FRYL: variants seen among roughly 807,000 people sequenced by gnomAD.
The protein encoded by FRYL is FRY like transcription coactivator, also known as protein furry homolog-like.
Under a neutral mutation model 351.2 loss-of-function variants are expected in FRYL, and 150 were observed. That is an observed-to-expected ratio of 0.43 (90% CI 0.37 to 0.49). The LOEUF (loss-of-function observed/expected upper bound fraction) is 0.49. Among genes scored for constraint, FRYL ranks in the 20% least tolerant of loss-of-function variants. The pLI, the probability that FRYL is intolerant of heterozygous loss-of-function variation, is 0.00. For synonymous variants in FRYL, 1,153 were observed against 1,257.1 expected (o/e 0.92, Z 1.75); for missense variants, 3,036 against 3,619.3 (o/e 0.84, Z 4.13).
At chr4:48,619,089 G>T in intron 7 of FRYL, 185 bp downstream of exon 7, 1 of 444,516 alleles carries the variant, frequency 2.2e-6, no homozygotes. Flanking sequence ...GTAAAAAATA[G>T]AGGAGATAAC....
At chr4:48,689,597 A>T (rs191954830) in intron 2 of FRYL, among the ~76,000 whole-genome samples, 9 of 152,330 alleles carry the variant, frequency 5.9e-5, no homozygotes, top group Non-Finnish European at 1.2e-4. Context: ...ACACTCGACA[A>T]ATATTTATTA....
At chr4:48,693,936 A>G (rs1765895688) in intron 2 of FRYL, among the ~76,000 whole-genome samples, 1 of 152,232 alleles carries the variant, frequency 6.6e-6, no homozygotes, top group Non-Finnish European at 1.5e-5. Context: ...TCTTGGTACC[A>G]AGTTAGGCAC....
At chr4:48,623,898 T>C (rs1428591401) in intron 4 of FRYL, among the ~76,000 whole-genome samples, 1 of 152,166 alleles carries the variant, frequency 6.6e-6, no homozygotes, top group Non-Finnish European at 1.5e-5. Flanking sequence ...TTTATATGTA[T>C]GTAAAACTAT....
At chr4:48,647,194 G>A (rs1756678367) in intron 3 of FRYL, among the ~76,000 whole-genome samples, 1 of 152,180 alleles carries the variant, frequency 6.6e-6, no homozygotes, top group African/African-American at 2.4e-5. Context: ...TTTGTAGTGA[G>A]GTTGGGCTGA....
At chr4:48,564,514 T>C (rs1405712782) in intron 30 of FRYL, among the ~76,000 whole-genome samples, 4 of 152,194 alleles carry the variant, frequency 2.6e-5, no homozygotes, top group Non-Finnish European at 5.9e-5. Flanking sequence ...GTGAAGTCTG[T>C]ATATGTACAA....
At chr4:48,689,633 GA>G (rs1023002792) in intron 2 of FRYL, among the ~76,000 whole-genome samples, 3 of 151,734 alleles carry the variant, frequency 2.0e-5, no homozygotes, top group African/African-American at 4.8e-5. Flanking sequence ...CAGTATGAGG[GA>G]AAAAAAAGTG....
intron 3 of FRYL, chr4:48,638,308 T>C (rs1348465397): frequency 6.6e-6 from 1 of 152,122 alleles, no homozygotes; most frequent in Non-Finnish European, 1.5e-5. Context: ...TATTGGCTAA[T>C]AATAAAAATT....
intron 55 of FRYL, among the ~76,000 whole-genome samples, chr4:48,518,078 G>T (rs1216686279): frequency 6.6e-6 from 1 of 152,158 alleles, no homozygotes; most frequent in Non-Finnish European, 1.5e-5. Flanking sequence ...CATTCTTTTG[G>T]TGACAGTTTT....
At chr4:48,526,233 AC>A (rs1251493923) in intron 53 of FRYL, among the ~76,000 whole-genome samples, 1 of 152,210 alleles carries the variant, frequency 6.6e-6, no homozygotes, top group African/African-American at 2.4e-5. Context: ...GTATACAGAT[AC>A]TTGGTATTAA....
At chr4:48,627,415 TAAGA>T (rs956852889) in intron 4 of FRYL, among the ~76,000 whole-genome samples, 1 of 152,150 alleles carries the variant, frequency 6.6e-6, no homozygotes, top group Non-Finnish European at 1.5e-5. Context: ...ACTAGAAGAA[TAAGA>T]GAGAGTGATA....
chr4:48,515,040 G>A lies in FRYL; in HGVS notation c.7925C>T (p.Ser2642Phe). 6.2e-7 allele frequency: 1 copy of A among 1,613,648 alleles called. No individual in the cohort carries two copies. The highest frequency in any genetic ancestry group is 8.5e-7 in the Non-Finnish European group (1 of 1,179,758). ...ERCEEEEADF[S>F]GLSSQDEEEQ... ...ACTGTATTCTCACCTAGACAGTCCG[G>A]AGAAATCCGCTTCTTCTTCTTCACA... Residue 2642 changes from serine (S) to phenylalanine (F), a missense_variant, in exon 56 of 64, where the codon TCC (serine) becomes TTC (phenylalanine). Ser to Phe is a radical substitution (Grantham distance 155). Around this residue, in one of 7 missense-constraint regions of FRYL, gnomAD observed 1,987 missense variants for 2,311.7 expected, o/e 0.86. Coordinates refer to ENST00000358350, the MANE Select transcript of FRYL (RefSeq NM_015030.2).
rs1315692209 is a variant in FRYL at position 48,527,581 on chromosome 4, T to A, written c.7213A>T (p.Ile2405Leu). The A allele has an allele frequency of 6.2e-7, 1 of 1,613,288 alleles. No individual in the cohort carries two copies. Among genetic ancestry groups the A allele is most frequent in the Non-Finnish European group, 8.5e-7 (1 of 1,179,458 alleles). ...QTSLISTTEDINQEEEVAVED... is the reference protein window; with the variant it reads ...QTSLISTTEDLNQEEEVAVED... Reference sequence around the variant, plus strand: ...ACAGCTACTTCTTCCTCTTGATTTATGTCTTCTGTTGTAGAAATTAGGCTA... The same window carrying A: ...ACAGCTACTTCTTCCTCTTGATTTAAGTCTTCTGTTGTAGAAATTAGGCTA... Residue 2405 changes from isoleucine to leucine, a missense_variant, in exon 53 of 64, where the codon ATA becomes TTA. Ile to Leu is a conservative substitution (Grantham distance 5). Around this residue, in one of 7 missense-constraint regions of FRYL, gnomAD observed 1,987 missense variants for 2,311.7 expected, o/e 0.86. Transcript: ENST00000358350.
intron 58 of FRYL, 81 bp downstream of exon 58, chr4:48,510,754 A>G: frequency 9.1e-7 from 1 of 1,095,120 alleles, no homozygotes; most frequent in Non-Finnish European, 1.4e-6. Flanking sequence ...CATAAAATTC[A>G]GAATTACTTA....
intron 62 of FRYL, 22 bp from the exon 63 acceptor site, chr4:48,500,242 GGATCTATTCGTATGTTT>G: frequency 6.8e-7 from 1 of 1,475,854 alleles, no homozygotes; most frequent in Non-Finnish European, 9.1e-7. Flanking sequence ...ACATCTTTAA[GGATCTATTCGTATGTTT>G]GGTAACAAAA....
intron 3 of FRYL, among the ~76,000 whole-genome samples, chr4:48,666,088 A>G (rs1298827778): frequency 2.0e-5 from 3 of 152,224 alleles, no homozygotes; most frequent in Non-Finnish European, 4.4e-5. Context: ...AAGGCCAAGC[A>G]CAGTGGCTTA....
At chr4:48,546,654 C>T (rs1731402335) in intron 41 of FRYL, 2 of 198,210 alleles carry the variant, frequency 1.0e-5, no homozygotes, top group African/African-American at 4.7e-5. Context: ...ATTTTTGATC[C>T]ATTTCCATTG....
chr4:48,524,660 CCT>C (rs570143071), intron 53 of FRYL, among the ~76,000 whole-genome samples: 68 of 152,202 alleles, frequency 4.5e-4, no homozygotes, highest in African/African-American at 1.5e-3. Context: ...CCACCCCACC[CCT>C]GATTACTGTG....
At chr4:48,545,458 G>C (rs1349077044) in intron 42 of FRYL, among the ~76,000 whole-genome samples, 1 of 152,016 alleles carries the variant, frequency 6.6e-6, no homozygotes. Context: ...CGCTGTTATG[G>C]GGCTGATTTT....
rs1257891299 is a variant in FRYL, at chr4:48,570,905, C to A, written c.2918G>T (p.Arg973Leu). Residue 973 changes from arginine (R) to leucine (L), a missense_variant, in exon 27 of 64, where the codon CGC becomes CTC. By Grantham distance (102) the Arg-to-Leu change is moderately radical (BLOSUM62 -2). Transcript: ENST00000358350. ...TACTCGTAAAATGTCTCGACGCCTG[C>A]GCCGTTTCATATTCTATTCCAAAGA... ...LERRPENMKR[R>L]RRRDILRVQL... 1.2e-6 allele frequency: 2 copies of A among 1,612,982 alleles called. No homozygotes were observed. The highest frequency in any genetic ancestry group is 1.7e-6 in the Non-Finnish European group (2 of 1,179,096).
Sources: gnomAD v4.1 joint callset for allele counts (sites outside exome capture counted in the v4.1 genomes callset) on GRCh38, gnomAD v4.1.1 for gene constraint, gnomAD v4.1.1 regional missense constraint, MANE v1.5 for transcripts, NCBI Gene and HGNC (gene_info 2026-07-23, HGNC 2026-07-21) for gene names.